Variants in SDK1 observed in about 807,000 individuals in gnomAD.
SDK1 encodes the protein sidekick cell adhesion molecule 1, also known as protein sidekick-1.
A neutral mutation model predicts 245.5 loss-of-function variants in SDK1; 157 were observed. The observed-to-expected ratio is 0.64, with a 90% confidence interval of 0.56 to 0.73. The LOEUF is 0.73. Ranked by LOEUF, SDK1 falls within the 30% of genes least tolerant of loss-of-function variation. The probability of loss-of-function intolerance (pLI) is 0.00; values close to 1 mark genes in which losing one functional copy is unlikely to be tolerated. For missense variants in SDK1, 3,583 were observed against 3,002.3 expected, an observed-to-expected ratio of 1.19 and a Z score of -4.52; for synonymous variants, 1,647 against 1,278.5, an observed-to-expected ratio of 1.29 and a Z score of -6.15.
chr7:3,405,028 A>C (rs781416065), intron 1 of SDK1, among the ~76,000 whole-genome samples: 3 of 152,070 alleles, frequency 2.0e-5, no homozygotes, highest in Non-Finnish European at 4.4e-5. Flanking sequence ...CAGTTGCCAG[A>C]GGGTGTGGGT....
Position 4,011,124 on chromosome 7 carries a change from C to G in SDK1, c.2279+11C>G. 1.9e-6 allele frequency: 3 copies of G among 1,612,658 alleles called. No individual in the cohort carries two copies. Among genetic ancestry groups the G allele is most frequent in the Non-Finnish European group, 2.5e-6 (3 of 1,179,736 alleles). Reference sequence around the variant, plus strand: ...CGCCGAGACAAGCAGGTGCGTGAATCCCGCCCCAGGTGGGGGTGTGGAACA... The same window carrying G: ...CGCCGAGACAAGCAGGTGCGTGAATGCCGCCCCAGGTGGGGGTGTGGAACA... On this transcript the variant is annotated intron_variant, in intron 15 of 44. Transcript: ENST00000404826.
chr7:4,213,583 C>CAA (rs113155169), intron 38 of SDK1, among the ~76,000 whole-genome samples: 40 of 134,724 alleles, frequency 3.0e-4, no homozygotes, highest in South Asian at 1.2e-3. Flanking sequence ...GATTCTGTCT[C>CAA]AAAAAAAAAA....
chr7:3,862,008 T>A (rs1193724608), intron 5 of SDK1, among the ~76,000 whole-genome samples: 3 of 152,208 alleles, frequency 2.0e-5, no homozygotes, highest in African/African-American at 7.2e-5. Context: ...AAACAAAGGC[T>A]GCCGAGTATT....
intron 5 of SDK1, among the ~76,000 whole-genome samples, chr7:3,947,142 T>C (rs929434245): frequency 1.3e-5 from 2 of 152,174 alleles, no homozygotes; most frequent in African/African-American, 4.8e-5. Context: ...CTCTAAGATA[T>C]ATACATGAGC....
intron 27 of SDK1, among the ~76,000 whole-genome samples, chr7:4,130,725 T>G (rs911733175): frequency 2.6e-5 from 4 of 152,192 alleles, no homozygotes; most frequent in Admixed American, 2.6e-4. Context: ...AAATATGTTT[T>G]CCCACTCTGC....
intron 4 of SDK1, among the ~76,000 whole-genome samples, chr7:3,813,544 C>G (rs538508047): frequency 9.3e-4 from 140 of 150,030 alleles, no homozygotes; most frequent in African/African-American, 3.1e-3. Flanking sequence ...CAAGTCTTTG[C>G]TATTGTGAAT....
chr7:3,539,956 C>T (rs1779007108), intron 1 of SDK1, among the ~76,000 whole-genome samples: 1 of 152,194 alleles, frequency 6.6e-6, no homozygotes, highest in Admixed American at 6.5e-5. Context: ...AATGACATAC[C>T]TCCTAATTTT....
chr7:3,758,580 T>C (rs748523595), intron 4 of SDK1, among the ~76,000 whole-genome samples: 14 of 152,218 alleles, frequency 9.2e-5, no homozygotes, highest in Non-Finnish European at 1.8e-4. Flanking sequence ...TTGAGAGCTT[T>C]CTCCAGTTGG....
intron 4 of SDK1, among the ~76,000 whole-genome samples, chr7:3,814,217 G>A (rs1779454195): frequency 6.6e-6 from 1 of 151,594 alleles, no homozygotes. Flanking sequence ...TAATGCCTAG[G>A]TTATCTTCTA....
chr7:4,254,738 T>C, intron 44 of SDK1, among the ~76,000 whole-genome samples: 1 of 152,086 alleles, frequency 6.6e-6, no homozygotes, highest in East Asian at 1.9e-4. Context: ...TATTCATGCC[T>C]CATTGAGGGT....
chr7:3,700,945 GGTAGA>G (rs1055963103), intron 4 of SDK1, among the ~76,000 whole-genome samples: 21 of 152,124 alleles, frequency 1.4e-4, no homozygotes, highest in African/African-American at 4.1e-4. Context: ...ATAGGAGATT[GGTAGA>G]GTAAAGAAAA....
At chr7:3,533,709 C>A (rs1240369278) in intron 1 of SDK1, among the ~76,000 whole-genome samples, 2 of 152,092 alleles carry the variant, frequency 1.3e-5, no homozygotes, top group South Asian at 4.2e-4. Context: ...TGCTAGTTTC[C>A]TGTTGAATTT....
Position 3,508,057 on chromosome 7 carries a change from C to G in SDK1, c.299-111023C>G, listed in dbSNP as rs182091651. Among the ~76,000 whole-genome samples the G allele has an allele frequency of 5.3e-4, 80 of 152,272 alleles. 1 individual carries two copies. Among genetic ancestry groups the G allele is most frequent in the African/African-American group, 1.8e-3 (75 of 41,560 alleles). On this transcript the variant is annotated intron_variant, in intron 1 of 44. Coordinates refer to ENST00000404826, the MANE Select transcript of SDK1 (RefSeq NM_152744.4). ...TCCTTCTGGCTGTCCCTTTGTCTGTCTGGCTTCTGTTTCTCTGACCAGGCA... is the reference window on the plus strand; with the variant it reads ...TCCTTCTGGCTGTCCCTTTGTCTGTGTGGCTTCTGTTTCTCTGACCAGGCA...
chr7:4,031,119 A>G (rs1393471852), intron 17 of SDK1, among the ~76,000 whole-genome samples: 1 of 152,168 alleles, frequency 6.6e-6, no homozygotes, highest in South Asian at 2.1e-4. Context: ...ACGTATATAT[A>G]CATGGACACA....
At chr7:3,819,778 A>G (rs1779597415) in intron 4 of SDK1, among the ~76,000 whole-genome samples, 1 of 152,320 alleles carries the variant, frequency 6.6e-6, no homozygotes, top group East Asian at 1.9e-4. Flanking sequence ...GGAACCCTGA[A>G]TAAGCAATAA....
At chr7:3,333,002 CTGTCAG>C (rs2128551557) in intron 1 of SDK1, among the ~76,000 whole-genome samples, 1 of 152,286 alleles carries the variant, frequency 6.6e-6, no homozygotes, top group East Asian at 1.9e-4. Flanking sequence ...AGATTTTTCC[CTGTCAG>C]TGTATTGTAA....
At chr7:3,787,397 A>G (rs1035945716) in intron 4 of SDK1, among the ~76,000 whole-genome samples, 55 of 152,366 alleles carry the variant, frequency 3.6e-4, no homozygotes, top group African/African-American at 1.1e-3. Context: ...GCGTAGCAAC[A>G]TGATGCAGCT....
intron 35 of SDK1, among the ~76,000 whole-genome samples, chr7:4,184,011 A>C (rs977103139): frequency 3.3e-5 from 5 of 152,196 alleles, no homozygotes; most frequent in Non-Finnish European, 5.9e-5. Flanking sequence ...TACACTGCAG[A>C]GAGTTTTCTG....
Position 3,971,573 on chromosome 7 carries a change from G to T in SDK1, c.1817+5G>T. On this transcript the variant is annotated splice_donor_5th_base_variant and intron_variant, in intron 12 of 44. Coordinates refer to ENST00000404826, the MANE Select transcript of SDK1 (RefSeq NM_152744.4). ...TGACCCCCGGGTTTCACTCCGGTCAGCACAATCAGTTACAATGCTTTGGGG... is the reference window on the plus strand; with the variant it reads ...TGACCCCCGGGTTTCACTCCGGTCATCACAATCAGTTACAATGCTTTGGGG... 3 of 1,599,578 alleles carry T rather than the reference G, an allele frequency of 1.9e-6. No homozygotes were observed. Among genetic ancestry groups the T allele is most frequent in the Non-Finnish European group, 2.6e-6 (3 of 1,168,930 alleles).
Sources: allele counts gnomAD v4.1 joint callset (sites outside exome capture counted in the v4.1 genomes callset), GRCh38; gene constraint gnomAD v4.1.1; transcripts MANE v1.5; gene names NCBI Gene and HGNC (gene_info 2026-07-23, HGNC 2026-07-21).